Variants in FGF13 observed in about 807,000 individuals in gnomAD.
The protein encoded by FGF13 is fibroblast growth factor 13, also known as fibroblast growth factor homologous factor 2.
Under a neutral mutation model 19.5 loss-of-function variants are expected in FGF13, and 2 were observed. The ratio of observed to expected loss-of-function variants is 0.10; its 90% CI spans 0.04 to 0.32. The LOEUF (loss-of-function observed/expected upper bound fraction) is 0.32. Among genes scored for constraint, FGF13 ranks in the 10% least tolerant of loss-of-function variants. The pLI is 1.00. For synonymous variants in FGF13, 72 were observed against 76.9 expected (o/e 0.94, Z 0.33); for missense variants, 113 against 192.7 (o/e 0.59, Z 2.45).
At chrX:138,742,675 G>A (rs893804990), upstream of FGF13, among the ~76,000 whole-genome samples, 4 of 111,787 alleles carry the variant, frequency 3.6e-5, no homozygotes, top group African/African-American at 9.8e-5. Flanking sequence ...ACTGCATTGC[G>A]GTCAAGCAGC....
chrX:139,174,057 G>A lies in FGF13; in HGVS notation c.-113+29359C>T, dbSNP rs776034506. Among the ~76,000 whole-genome samples, 47 of 112,141 alleles carry A rather than the reference G, an allele frequency of 4.2e-4. No homozygotes were observed. In the South Asian group the frequency reaches 4.5e-3, roughly 11 times the overall value. ...TTCCTATTTCTCCACATCCTCTGCA[G>A]CATCTGTTGTTTCCTGACTTTTTAA... On this transcript the variant is annotated intron_variant, in intron 1 of 2. Coordinates refer to the FGF13 transcript ENST00000421460.
chrX:138,636,349 G>C (rs2089184001), intron 3 of FGF13, among the ~76,000 whole-genome samples: 1 of 111,750 alleles, frequency 8.9e-6, no homozygotes, highest in Admixed American at 9.5e-5. Flanking sequence ...GAGCAGCCCA[G>C]TGGACTTTGA....
chrX:139,156,372 T>G (rs2148251054), intron 1 of FGF13, among the ~76,000 whole-genome samples: 1 of 112,155 alleles, frequency 8.9e-6, no homozygotes, highest in East Asian at 2.8e-4. Context: ...AACTCCTCCC[T>G]TTGATCCTGA....
downstream of FGF13, among the ~76,000 whole-genome samples, chrX:138,853,599 ATGTGTGTGTGTGTGCGTGTGCGTGTG>A (rs1185944928): frequency 1.1e-5 from 1 of 94,767 alleles, no homozygotes; most frequent in Non-Finnish European, 2.1e-5. Flanking sequence ...GGAAGACAGA[ATGTGTGTGTGTGTGCGTGTGCGTGTG>A]TGTGTGTGTG....
At chrX:139,192,702 C>A (rs753103030) in intron 1 of FGF13, among the ~76,000 whole-genome samples, 1 of 111,347 alleles carries the variant, frequency 9.0e-6, no homozygotes, top group Admixed American at 9.5e-5. Context: ...TGCTGATGCC[C>A]AAGCTGGTCC....
chrX:138,859,140 C>T (rs540688390), intron 2 of FGF13, among the ~76,000 whole-genome samples: 6 of 112,066 alleles, frequency 5.4e-5, no homozygotes, highest in Middle Eastern at 9.2e-3. Context: ...ACTAGGAATG[C>T]GACTATAACT....
chrX:139,112,454 A>G (rs1046359983), intron 1 of FGF13, among the ~76,000 whole-genome samples: 3 of 111,965 alleles, frequency 2.7e-5, no homozygotes, highest in African/African-American at 9.7e-5. Flanking sequence ...TTCATATTAA[A>G]TAAAAAATCA....
At chrX:138,984,693 G>GAGAAGAAGAAGA (rs778061986) in intron 1 of FGF13, among the ~76,000 whole-genome samples, 1 of 71,790 alleles carries the variant, frequency 1.4e-5, no homozygotes, top group Non-Finnish European at 2.6e-5. Flanking sequence ...GAAGAAGGAG[G>GAGAAGAAGAAGA]AGAAGAAGAA....
chrX:138,710,054 C>G (rs763583895), intron 1 of FGF13, among the ~76,000 whole-genome samples: 1 of 111,112 alleles, frequency 9.0e-6, no homozygotes, highest in East Asian at 2.8e-4. Flanking sequence ...TCTGCCTTGA[C>G]GCAACCTGAC....
chrX:138,899,659 A>G (rs1285099231), intron 1 of FGF13, among the ~76,000 whole-genome samples: 2 of 111,725 alleles, frequency 1.8e-5, no homozygotes, highest in Admixed American at 1.9e-4. Context: ...AAAACTATGT[A>G]CATGATGGGC....
chrX:139,149,423 C>T (rs1369271813), intron 1 of FGF13, among the ~76,000 whole-genome samples: 4 of 112,233 alleles, frequency 3.6e-5, no homozygotes, highest in African/African-American at 1.3e-4. Flanking sequence ...TTCACATATG[C>T]TGAAAATTGG....
chrX:138,665,541 A>G (rs773755813), intron 3 of FGF13, among the ~76,000 whole-genome samples: 57 of 111,587 alleles, frequency 5.1e-4, no homozygotes, highest in Non-Finnish European at 8.9e-4. Flanking sequence ...GGCCTTTGGA[A>G]ATATATCAAA....
intron 3 of FGF13, among the ~76,000 whole-genome samples, chrX:138,851,685 C>A (rs1045345116): frequency 8.9e-6 from 1 of 111,917 alleles, no homozygotes; most frequent in Non-Finnish European, 1.9e-5. Context: ...TCTCACCACT[C>A]CTATTCAACA....
chrX:138,802,858 G>T, intron 3 of FGF13, among the ~76,000 whole-genome samples: 1 of 111,367 alleles, frequency 9.0e-6, no homozygotes, highest in Non-Finnish European at 1.9e-5. Flanking sequence ...CCCCTCCAAA[G>T]CATCAATTGC....
chrX:138,754,036 G>T (rs1294890798), intron 3 of FGF13, among the ~76,000 whole-genome samples: 1 of 111,958 alleles, frequency 8.9e-6, no homozygotes, highest in Non-Finnish European at 1.9e-5. Context: ...GATCATAGTG[G>T]TAACAAATAG....
chrX:138,984,523 G>GAACAAGAAGAAGAAGAAGAAGAA lies in FGF13; in HGVS notation c.-112-119874_-112-119873insTTCTTCTTCTTCTTCTTCTTGTT, dbSNP rs2091979498. Among the ~76,000 whole-genome samples the GAACAAGAAGAAGAAGAAGAAGAA allele has an allele frequency of 3.2e-4, 10 of 31,590 alleles. 1 individual carries two copies. The highest frequency in any genetic ancestry group is 5.5e-4 in the Non-Finnish European group (10 of 18,152). 27.4% of individuals were successfully genotyped at this position (31,590 alleles called of 115,157 possible). ...AAGGAGAAGAAGAGGAAGAAGAAGA[G>GAACAAGAAGAAGAAGAAGAAGAA]GAAGAAGAAGAAGAAGAAGAAGAAG... On this transcript the variant is annotated intron_variant, in intron 1 of 2. Transcript: ENST00000421460.
chrX:138,681,427 C>G lies in FGF13; in HGVS notation c.402+21557G>C, dbSNP rs186762730. Reference sequence around the variant, plus strand: ...AATTGAAGAGAGTTAGAGCCTTGCCCTAGATTAGCCTTTGGCTTAAGGGAA... The same window carrying G: ...AATTGAAGAGAGTTAGAGCCTTGCCGTAGATTAGCCTTTGGCTTAAGGGAA... On this transcript the variant is annotated intron_variant, in intron 3 of 4. Coordinates refer to ENST00000315930, the MANE Select transcript of FGF13 (RefSeq NM_004114.5). Among the ~76,000 whole-genome samples the G allele has an allele frequency of 1.2e-4, 14 of 112,547 alleles. No homozygotes were observed. The East Asian group carries it at 3.7e-3, about 29-fold the overall frequency.
chrX:138,810,447 G>A (rs2090913292), intron 3 of FGF13, among the ~76,000 whole-genome samples: 1 of 111,473 alleles, frequency 9.0e-6, no homozygotes, highest in Non-Finnish European at 1.9e-5. Flanking sequence ...ATTAATTCAA[G>A]ATGGATTAAA....
intron 1 of FGF13, among the ~76,000 whole-genome samples, chrX:139,061,298 G>A (rs2092335302): frequency 8.9e-6 from 1 of 112,025 alleles, no homozygotes; most frequent in African/African-American, 3.2e-5. Flanking sequence ...CAATGTAACT[G>A]TGTTAAGGGG....
Sources: allele counts gnomAD v4.1 joint callset (sites outside exome capture counted in the v4.1 genomes callset), GRCh38; gene constraint gnomAD v4.1.1; transcripts MANE v1.5; gene names NCBI Gene and HGNC (gene_info 2026-07-23, HGNC 2026-07-21).